Variants in CTDSPL observed in about 807,000 individuals in gnomAD.
CTDSPL encodes the protein CTD small phosphatase-like protein.
In CTDSPL, 8 loss-of-function variants were observed where a neutral mutation model predicts 30.5. The ratio of observed to expected loss-of-function variants is 0.26; its 90% CI spans 0.15 to 0.47. The LOEUF (loss-of-function observed/expected upper bound fraction) is 0.47. CTDSPL is among the 20% of genes least tolerant of loss of function. CTDSPL has a pLI of 0.99. For missense variants in CTDSPL, 248 were observed against 366.1 expected (o/e 0.68, Z 2.63); for synonymous variants, 110 against 137.9 (o/e 0.80, Z 1.42).
chr3:37,974,997 A>G (rs775825993), intron 6 of CTDSPL, among the ~76,000 whole-genome samples: 1 of 152,194 alleles, frequency 6.6e-6, no homozygotes, highest in Non-Finnish European at 1.5e-5. Context: ...AAATCAAGCA[A>G]TCCCACATAG....
intron 1 of CTDSPL, among the ~76,000 whole-genome samples, chr3:37,865,546 G>A (rs1697999392): frequency 6.6e-6 from 1 of 152,110 alleles, no homozygotes; most frequent in African/African-American, 2.4e-5. Flanking sequence ...GAACACATTT[G>A]GCTGCAAGTA....
At chr3:37,871,304 A>G (rs1394566636) in intron 1 of CTDSPL, among the ~76,000 whole-genome samples, 3 of 152,064 alleles carry the variant, frequency 2.0e-5, no homozygotes, top group Non-Finnish European at 4.4e-5. Context: ...TTTCTTTTTA[A>G]TACTGATTAA....
chr3:37,884,905 A>T (rs1262834878), intron 1 of CTDSPL, among the ~76,000 whole-genome samples: 1 of 152,116 alleles, frequency 6.6e-6, no homozygotes, highest in African/African-American at 2.4e-5. Flanking sequence ...TCTTGAGGAA[A>T]GTGATAAGAG....
At chr3:37,943,870 A>G (rs1428618215) in intron 1 of CTDSPL, among the ~76,000 whole-genome samples, 1 of 150,310 alleles carries the variant, frequency 6.7e-6, no homozygotes, top group Non-Finnish European at 1.5e-5. Context: ...TGGGAAAAGG[A>G]CACTTCTTTG....
chr3:37,923,703 G>A (rs1232274326), intron 1 of CTDSPL, among the ~76,000 whole-genome samples: 2 of 152,032 alleles, frequency 1.3e-5, no homozygotes, highest in Admixed American at 1.3e-4. Flanking sequence ...TAGGCTGTCA[G>A]CAATGACATT....
intron 5 of CTDSPL, among the ~76,000 whole-genome samples, chr3:37,969,113 G>T (rs1003133832): frequency 6.6e-6 from 1 of 152,258 alleles, no homozygotes; most frequent in Non-Finnish European, 1.5e-5. Context: ...AGCAGTTAAG[G>T]CTTCTGCATT....
chr3:37,887,985 A>C (rs928690915), intron 1 of CTDSPL, among the ~76,000 whole-genome samples: 1 of 152,224 alleles, frequency 6.6e-6, no homozygotes, highest in Non-Finnish European at 1.5e-5. Context: ...GTTACATAAC[A>C]GGCTGCAACC....
At chr3:37,892,171 A>G (rs1010917694) in intron 1 of CTDSPL, among the ~76,000 whole-genome samples, 3 of 152,048 alleles carry the variant, frequency 2.0e-5, no homozygotes, top group African/African-American at 7.2e-5. Context: ...AACACCTTTA[A>G]CTCTGAAGTC....
intron 1 of CTDSPL, among the ~76,000 whole-genome samples, chr3:37,920,286 C>T (rs1013765291): frequency 6.6e-6 from 1 of 152,194 alleles, no homozygotes; most frequent in Non-Finnish European, 1.5e-5. Context: ...GATCCCCAGA[C>T]CTTCCTTTCA....
chr3:37,916,072 CA>C (rs1252511696), intron 1 of CTDSPL, among the ~76,000 whole-genome samples: 1 of 152,176 alleles, frequency 6.6e-6, no homozygotes, highest in Non-Finnish European at 1.5e-5. Flanking sequence ...ACTCCAATTT[CA>C]GCCCACCTCA....
At chr3:37,947,359 G>C in intron 2 of CTDSPL, 148 bp downstream of exon 2, 1 of 882,704 alleles carries the variant, frequency 1.1e-6, no homozygotes, top group East Asian at 2.8e-5. Flanking sequence ...AGGAGTTTGA[G>C]ACCAGCCTGG....
intron 1 of CTDSPL, among the ~76,000 whole-genome samples, chr3:37,889,385 A>G (rs1213708828): frequency 1.3e-5 from 2 of 152,264 alleles, no homozygotes; most frequent in East Asian, 3.8e-4. Context: ...AAATAAAAAT[A>G]TCACTAACTA....
intron 3 of CTDSPL, among the ~76,000 whole-genome samples, chr3:37,960,533 T>TACACAC (rs1168321790): frequency 1.7e-3 from 57 of 33,548 alleles, no homozygotes; most frequent in Non-Finnish European, 2.5e-3. Context: ...TATATATATA[T>TACACAC]ATACACACAC....
intron 3 of CTDSPL, among the ~76,000 whole-genome samples, chr3:37,964,020 A>C (rs1699270623): frequency 7.7e-6 from 1 of 129,182 alleles, no homozygotes; most frequent in African/African-American, 3.2e-5. Flanking sequence ...GTTTTTTAAA[A>C]ATCTCAGTCA....
intron 1 of CTDSPL, among the ~76,000 whole-genome samples, chr3:37,893,151 A>G (rs1449493540): frequency 1.3e-5 from 2 of 152,182 alleles, no homozygotes; most frequent in East Asian, 1.9e-4. Flanking sequence ...TCACTGTCTG[A>G]GTGAGGCTGC....
chr3:37,980,664 CCGGGTACCCGGTTAGGT>C (rs1699480835), intron 7 of CTDSPL, 61 bp from the exon 8 acceptor site: 1 of 1,547,286 alleles, frequency 6.5e-7, no homozygotes, highest in Non-Finnish European at 8.8e-7. Context: ...TGCTCAAAGT[CCGGGTACCCGGTTAGGT>C]TAGGAGCAGC....
chr3:37,962,017 C>T (rs1308058955), intron 3 of CTDSPL, among the ~76,000 whole-genome samples: 3 of 152,166 alleles, frequency 2.0e-5, no homozygotes, highest in Non-Finnish European at 2.9e-5. Context: ...CTCCACCCAC[C>T]CCCCGGCAAT....
chr3:37,866,329 A>G (rs1239539535), intron 1 of CTDSPL, among the ~76,000 whole-genome samples: 1 of 152,164 alleles, frequency 6.6e-6, no homozygotes, highest in East Asian at 1.9e-4. Flanking sequence ...TAAAAAAAAA[A>G]TCACACATAC....
At chr3:37,933,556 T>C (rs1459116459) in intron 1 of CTDSPL, among the ~76,000 whole-genome samples, 2 of 152,246 alleles carry the variant, frequency 1.3e-5, no homozygotes, top group Non-Finnish European at 2.9e-5. Context: ...CAGTAGGCAA[T>C]ATAGTGCAGA....
Sources: gnomAD v4.1 joint callset for allele counts (sites outside exome capture counted in the v4.1 genomes callset) on GRCh38, gnomAD v4.1.1 for gene constraint, MANE v1.5 for transcripts, NCBI Gene and HGNC (gene_info 2026-07-23, HGNC 2026-07-21) for gene names.